Variants in COL24A1 observed in about 807,000 individuals in gnomAD.
COL24A1 encodes the protein collagen type XXIV alpha 1 chain, also known as collagen alpha-1(XXIV) chain.
Under a neutral mutation model 253.9 loss-of-function variants are expected in COL24A1, and 224 were observed. The ratio of observed to expected loss-of-function variants is 0.88; its 90% CI spans 0.79 to 0.99. COL24A1 has a LOEUF of 0.99. COL24A1 is among the 50% of genes least tolerant of loss of function. The probability of loss-of-function intolerance (pLI) is 0.00; values close to 1 mark genes in which losing one functional copy is unlikely to be tolerated. For synonymous variants in COL24A1, 685 were observed against 673.7 expected (o/e 1.02, Z -0.26); for missense variants, 2,131 against 2,068.5 (o/e 1.03, Z -0.59).
intron 8 of COL24A1, 23 bp downstream of exon 8, chr1:86,063,692 A>G: frequency 6.7e-7 from 1 of 1,503,248 alleles, no homozygotes; most frequent in Non-Finnish European, 9.0e-7. Context: ...ACATGATACA[A>G]GTCTTATAAA....
intron 7 of COL24A1, among the ~76,000 whole-genome samples, chr1:86,070,181 TGAATGCTGAA>T (rs1327708021): frequency 6.6e-6 from 1 of 152,126 alleles, no homozygotes; most frequent in Admixed American, 6.5e-5. Flanking sequence ...AAAATACAAC[TGAATGCTGAA>T]GAATGTATCA....
At chr1:86,059,679 A>G (rs1474154327) in intron 8 of COL24A1, among the ~76,000 whole-genome samples, 2 of 152,210 alleles carry the variant, frequency 1.3e-5, no homozygotes, top group East Asian at 3.8e-4. Context: ...TACCGTTATC[A>G]TGACATGGGT....
At chr1:85,885,397 A>ATTTTTTTT (rs1177337391) in intron 32 of COL24A1, among the ~76,000 whole-genome samples, 11 of 128,882 alleles carry the variant, frequency 8.5e-5, no homozygotes, top group Non-Finnish European at 1.3e-4. Flanking sequence ...ATATATATAT[A>ATTTTTTTT]TTTTTTTTTT....
At chr1:86,059,689 T>C (rs1700935703) in intron 8 of COL24A1, among the ~76,000 whole-genome samples, 1 of 152,118 alleles carries the variant, frequency 6.6e-6, no homozygotes, top group African/African-American at 2.4e-5. Context: ...ATGACATGGG[T>C]CTGATCCAGT....
intron 35 of COL24A1, among the ~76,000 whole-genome samples, chr1:85,870,291 G>C (rs1367513063): frequency 6.6e-6 from 1 of 152,124 alleles, no homozygotes; most frequent in African/African-American, 2.4e-5. Flanking sequence ...AGATCAATGA[G>C]ACAGAAAGTT....
At position 85,985,926 on chromosome 1, in the gene COL24A1, C is replaced by A. The variant is rs533077094; in HGVS notation, c.2364+1675G>T. 5.7e-4 allele frequency among the ~76,000 whole-genome samples: 87 copies of A among 151,860 alleles called. 1 individual carries two copies. The Middle Eastern group carries it at 0.017, about 30-fold the overall frequency. ...CAATTAAATGTGAAATTCAGATAAA[C>A]AACAAATAACTTCTATTATAAATAT... On this transcript the variant is annotated intron_variant, in intron 20 of 59. Transcript: ENST00000370571.
At chr1:86,123,994 AT>A (rs1557717456) in intron 3 of COL24A1, among the ~76,000 whole-genome samples, 3 of 152,022 alleles carry the variant, frequency 2.0e-5, no homozygotes, top group South Asian at 4.1e-4. Flanking sequence ...TTGAAAAAAA[AT>A]AATTTCTAAA....
chr1:85,826,520 T>A (rs1674368676), intron 43 of COL24A1, among the ~76,000 whole-genome samples: 3 of 137,090 alleles, frequency 2.2e-5, no homozygotes, highest in Admixed American at 1.5e-4. Context: ...TTGGGCAGTA[T>A]GGCCATTTTC....
chr1:86,124,348 A>G (rs1321660744), intron 3 of COL24A1, among the ~76,000 whole-genome samples: 1 of 150,708 alleles, frequency 6.6e-6, no homozygotes, highest in East Asian at 1.9e-4. Context: ...TCATTACACA[A>G]TAATCTCTAT....
In COL24A1 at chr1:85,829,936, C is replaced by T. The variant is rs955542519; in HGVS notation, c.3682-6198G>A. Among the ~76,000 whole-genome samples the T allele has an allele frequency of 1.1e-4, 17 of 152,240 alleles. No homozygotes were observed. The South Asian group carries it at 1.7e-3, about 15-fold the overall frequency. ...CTTCTCTGAGTTCATCAAAGTCATT[C>T]TCCTTCCAGCTTTGTTCTGTTGCTG... On this transcript the variant is annotated intron_variant, in intron 43 of 59. Coordinates refer to ENST00000370571, the MANE Select transcript of COL24A1 (RefSeq NM_152890.7).
intron 24 of COL24A1, among the ~76,000 whole-genome samples, chr1:85,918,728 C>T (rs772012099): frequency 9.9e-5 from 15 of 152,062 alleles, no homozygotes; most frequent in African/African-American, 1.7e-4. Context: ...GTAAGATACA[C>T]CAATATTTTT....
intron 19 of COL24A1, among the ~76,000 whole-genome samples, chr1:85,994,083 C>T (rs12039529): frequency 0.4 from 60,404 of 151,592 alleles, 12,432 homozygotes; most frequent in East Asian, 0.58. Context: ...ATCCACTGTG[C>T]TTTAAATATA....
Position 85,818,058 on chromosome 1 carries a change from A to G in COL24A1, c.3819T>C (p.Gly1273=). ...CAGGAATCCCAGGTTTCCCAGAAGG[A>G]CCAGGAGCTCCTTTTTTCCCCTTAT... ...EGNKGKKGAP[G]PSGKPGIPGL... The change falls in exon 46 of 60, where the codon GGT becomes GGC. Residue 1273 remains glycine, a synonymous_variant. Transcript: ENST00000370571. The G allele has an allele frequency of 1.9e-6, 3 of 1,613,762 alleles. No homozygotes were observed. The highest frequency in any genetic ancestry group is 1.1e-5 in the South Asian group (1 of 91,068).
intron 3 of COL24A1, among the ~76,000 whole-genome samples, chr1:86,117,089 A>T (rs1706221299): frequency 6.6e-6 from 1 of 152,222 alleles, no homozygotes; most frequent in South Asian, 2.1e-4. Flanking sequence ...AAGAAAATGA[A>T]AAGTTTTCTT....
chr1:86,152,261 C>T (rs1652879354), intron 1 of COL24A1, among the ~76,000 whole-genome samples: 1 of 152,082 alleles, frequency 6.6e-6, no homozygotes, highest in Non-Finnish European at 1.5e-5. Flanking sequence ...CACCCCCAAT[C>T]TAAAAATCCA....
intron 53 of COL24A1, among the ~76,000 whole-genome samples, chr1:85,769,632 G>A (rs1667748399): frequency 6.6e-6 from 1 of 152,212 alleles, no homozygotes; most frequent in East Asian, 1.9e-4. Context: ...GAAGTGCGAC[G>A]AGAGAAGAAA....
At chr1:85,736,037 CA>C (rs1664013038) in intron 58 of COL24A1, 2 of 224,070 alleles carry the variant, frequency 8.9e-6, no homozygotes, top group African/African-American at 4.5e-5. Context: ...CAGAAACTTG[CA>C]AACAATATTT....
At chr1:85,874,794 C>T (rs1267064682) in intron 34 of COL24A1, 92 bp from the exon 35 acceptor site, 9 of 1,400,570 alleles carry the variant, frequency 6.4e-6, no homozygotes, top group African/African-American at 2.8e-5. Context: ...TTCCCCAACG[C>T]CTGGGCCGTA....
At chr1:85,856,838 T>C (rs932115118) in intron 37 of COL24A1, among the ~76,000 whole-genome samples, 3 of 152,216 alleles carry the variant, frequency 2.0e-5, no homozygotes, top group Admixed American at 2.0e-4. Flanking sequence ...TCTGTTTTCC[T>C]TGTTTCCAAC....
Sources: gnomAD v4.1 joint callset for allele counts (sites outside exome capture counted in the v4.1 genomes callset) on GRCh38, gnomAD v4.1.1 for gene constraint, MANE v1.5 for transcripts, NCBI Gene and HGNC (gene_info 2026-07-23, HGNC 2026-07-21) for gene names.